ATR: variants seen among roughly 807,000 people sequenced by gnomAD.
ATR encodes serine/threonine-protein kinase ATR.
Under a neutral mutation model 305.3 loss-of-function variants are expected in ATR, and 142 were observed. The ratio of observed to expected loss-of-function variants is 0.47; its 90% CI spans 0.41 to 0.53. The LOEUF (loss-of-function observed/expected upper bound fraction) is 0.53. Among genes scored for constraint, ATR ranks in the 20% least tolerant of loss-of-function variants. The pLI is 0.00. For synonymous variants in ATR, 1,050 were observed against 1,068.1 expected (o/e 0.98, Z 0.33); for missense variants, 2,135 against 3,133.1 (o/e 0.68, Z 7.60).
intron 35 of ATR, among the ~76,000 whole-genome samples, chr3:142,491,691 T>C (rs930011608): frequency 6.6e-6 from 1 of 152,240 alleles, no homozygotes; most frequent in African/African-American, 2.4e-5. Context: ...GCATGACATC[T>C]TCTTGTAACC....
intron 31 of ATR, 122 bp from the exon 32 acceptor site, chr3:142,498,896 T>G: frequency 1.0e-6 from 1 of 973,938 alleles, no homozygotes. Flanking sequence ...TTTTTTTTTT[T>G]TTGAGACAGA....
intron 46 of ATR, chr3:142,452,800 G>A (rs2070821040): frequency 1.7e-6 from 2 of 1,160,342 alleles, no homozygotes; most frequent in Admixed American, 4.2e-5. Context: ...CTGGTATCAT[G>A]ATATTAAAGC....
intron 28 of ATR, among the ~76,000 whole-genome samples, chr3:142,506,772 A>T (rs1374952589): frequency 6.6e-6 from 1 of 152,236 alleles, no homozygotes; most frequent in Non-Finnish European, 1.5e-5. Flanking sequence ...TTCCTAATGA[A>T]TCATGAAGCA....
chr3:142,512,406 A>G lies in ATR; in HGVS notation c.4706T>C (p.Ile1569Thr). ...ACTGAGTTGACACAGATCAGATGCA[A>G]TGTCTTGGGTATTTATGGTATGCTG... ...DDQHTINTQDIASDLCQLSTQ... is the reference protein window; with the variant it reads ...DDQHTINTQDTASDLCQLSTQ... Residue 1569 changes from isoleucine to threonine, a missense_variant, in exon 27 of 47, where the codon ATT (isoleucine) becomes ACT (threonine). Physicochemically the swap from Ile to Thr is moderately conservative, Grantham distance 89. This residue lies in a region of ATR where 202 missense variants were observed against 252.9 expected (regional missense o/e 0.80). Coordinates refer to ENST00000350721, the MANE Select transcript of ATR (RefSeq NM_001184.4). 6.2e-7 allele frequency: 1 copy of G among 1,613,918 alleles called. No homozygotes were observed. The highest frequency in any genetic ancestry group is 8.5e-7 in the Non-Finnish European group (1 of 1,179,884).
At chr3:142,487,446 T>C (rs1179129197) in intron 35 of ATR, among the ~76,000 whole-genome samples, 1 of 152,180 alleles carries the variant, frequency 6.6e-6, no homozygotes, top group South Asian at 2.1e-4. Flanking sequence ...CCTACGTGTA[T>C]TATATTTTTT....
intron 29 of ATR, among the ~76,000 whole-genome samples, chr3:142,504,572 C>G (rs953854398): frequency 6.6e-6 from 1 of 151,632 alleles, no homozygotes; most frequent in Non-Finnish European, 1.5e-5. Context: ...AAGCAATTCT[C>G]TTGCCTCAGC....
At position 142,505,141 on chromosome 3, in the gene ATR, G is replaced by T. The variant is rs2108355067; in HGVS notation, c.5194C>A (p.Gln1732Lys). The change falls in exon 29 of 47, where the codon CAG (glutamine) becomes AAG (lysine). Residue 1732 changes from glutamine (Q) to lysine (K), a missense_variant and splice_region_variant. Gln to Lys is a moderately conservative substitution (Grantham distance 53). This residue lies in a region of ATR where 117 missense variants were observed against 198.3 expected (regional missense o/e 0.59). Coordinates refer to ENST00000350721, the MANE Select transcript of ATR (RefSeq NM_001184.4). ...TTGCCTTTCAATTATTATCTTACCT[G>T]GTCTGGTTCTAGCTGAATAGCCCTG... ...YDRAIQLEPD[Q>K]IIHYHGVVKS... 1 of 1,614,046 alleles carries T rather than the reference G, an allele frequency of 6.2e-7. No individual in the cohort carries two copies. Among genetic ancestry groups the T allele is most frequent in the Non-Finnish European group, 8.5e-7 (1 of 1,179,966 alleles).
At chr3:142,514,777 C>T (rs2032781822) in intron 25 of ATR, among the ~76,000 whole-genome samples, 3 of 141,786 alleles carry the variant, frequency 2.1e-5, no homozygotes, top group Admixed American at 7.4e-5. Context: ...CACTGCACTC[C>T]GGCTGGGTGG....
At chr3:142,578,351 T>C (rs531988369) in intron 1 of ATR, among the ~76,000 whole-genome samples, 7 of 152,312 alleles carry the variant, frequency 4.6e-5, no homozygotes, top group African/African-American at 1.4e-4. Flanking sequence ...GCAGGGACTC[T>C]TCCTCCAGCT....
chr3:142,563,955 A>G (rs1481580612), intron 3 of ATR, among the ~76,000 whole-genome samples: 1 of 152,184 alleles, frequency 6.6e-6, no homozygotes, highest in Non-Finnish European at 1.5e-5. Context: ...AAGATGAGGA[A>G]ATTTCCAGTA....
At chr3:142,450,311 A>T in intron 46 of ATR, 2 of 997,538 alleles carry the variant, frequency 2.0e-6, no homozygotes, top group Non-Finnish European at 3.1e-6. Flanking sequence ...TTCTTTGGTG[A>T]AGCACTTGAG....
intron 28 of ATR, 82 bp downstream of exon 28, chr3:142,507,849 C>T (rs1022142241): frequency 3.8e-6 from 5 of 1,300,110 alleles, no homozygotes; most frequent in Non-Finnish European, 5.4e-6. Flanking sequence ...GCATATAAAA[C>T]ATTCAATAAA....
At chr3:142,525,378 T>G (rs1293026610) in intron 21 of ATR, among the ~76,000 whole-genome samples, 1 of 152,148 alleles carries the variant, frequency 6.6e-6, no homozygotes, top group Non-Finnish European at 1.5e-5. Context: ...TAGCTATTTT[T>G]TACATGTTTT....
intron 36 of ATR, among the ~76,000 whole-genome samples, chr3:142,481,412 T>C (rs933053582): frequency 6.6e-6 from 1 of 152,344 alleles, no homozygotes; most frequent in East Asian, 1.9e-4. Context: ...CACTTGGTCA[T>C]GGTGAATGAT....
intron 1 of ATR, among the ~76,000 whole-genome samples, chr3:142,571,665 T>C (rs1328866544): frequency 6.6e-6 from 1 of 152,164 alleles, no homozygotes; most frequent in Non-Finnish European, 1.5e-5. Context: ...TAATAGCATA[T>C]ATTTCATATA....
chr3:142,547,536 G>A (rs1040575911), intron 16 of ATR, among the ~76,000 whole-genome samples, 189 bp downstream of exon 16: 5 of 152,118 alleles, frequency 3.3e-5, no homozygotes, highest in Non-Finnish European at 5.9e-5. Context: ...ACGTGATCTC[G>A]TGTTCATGAT....
At chr3:142,485,436 T>C (rs1279402417) in intron 35 of ATR, among the ~76,000 whole-genome samples, 154 bp from the exon 36 acceptor site, 2 of 152,220 alleles carry the variant, frequency 1.3e-5, no homozygotes. Flanking sequence ...GGAAAAGGAA[T>C]AGCTAACTTC....
intron 25 of ATR, among the ~76,000 whole-genome samples, chr3:142,514,397 A>G (rs946391949): frequency 3.9e-5 from 6 of 152,036 alleles, no homozygotes; most frequent in African/African-American, 1.4e-4. Context: ...TGAGGGGCAG[A>G]GGCGGGCAGA....
chr3:142,515,396 T>C lies in ATR; in HGVS notation c.4502A>G (p.Lys1501Arg). ...SASWAGYLITKVRHDLASKIF... is the reference protein window; with the variant it reads ...SASWAGYLITRVRHDLASKIF... ...AACAAACTGAACAGGGTTTCTTACCTTTGTAATAAGATAACCTGCCCAAGA... is the reference window on the plus strand; with the variant it reads ...AACAAACTGAACAGGGTTTCTTACCCTTGTAATAAGATAACCTGCCCAAGA... Residue 1501 changes from lysine to arginine, a missense_variant and splice_region_variant, in exon 25 of 47, where the codon AAG becomes AGG. Physicochemically the swap from Lys to Arg is conservative, Grantham distance 26. This residue lies in a region of ATR where 202 missense variants were observed against 252.9 expected (regional missense o/e 0.80). Transcript: ENST00000350721. The C allele has an allele frequency of 6.2e-7, 1 of 1,613,900 alleles. No individual in the cohort carries two copies. The highest frequency in any genetic ancestry group is 8.5e-7 in the Non-Finnish European group (1 of 1,179,882).
Sources: gnomAD v4.1 joint callset for allele counts (sites outside exome capture counted in the v4.1 genomes callset) on GRCh38, gnomAD v4.1.1 for gene constraint, gnomAD v4.1.1 regional missense constraint, MANE v1.5 for transcripts, NCBI Gene and HGNC (gene_info 2026-07-23, HGNC 2026-07-21) for gene names.